SAMD3: variants seen among roughly 807,000 people sequenced by gnomAD.
SAMD3 encodes the protein sterile alpha motif domain-containing protein 3.
A neutral mutation model predicts 58.5 loss-of-function variants in SAMD3; 63 were observed. The ratio of observed to expected loss-of-function variants is 1.08; its 90% CI spans 0.88 to 1.33. SAMD3 has a LOEUF of 1.33. SAMD3 is among the 40% of genes most tolerant of loss of function. The pLI is 0.00. For missense variants in SAMD3, 604 were observed against 608.4 expected (o/e 0.99, Z 0.08); for synonymous variants, 220 against 210.3 (o/e 1.05, Z -0.40).
At chr6:130,227,549 A>G (rs1207666432), upstream of SAMD3, among the ~76,000 whole-genome samples, 1 of 152,162 alleles carries the variant, frequency 6.6e-6, no homozygotes, top group East Asian at 1.9e-4. Context: ...GAACTTTGAG[A>G]GGCCAAGGTG....
intron 1 of SAMD3, among the ~76,000 whole-genome samples, chr6:130,359,686 C>T (rs753923277): frequency 1.3e-5 from 2 of 152,200 alleles, no homozygotes; most frequent in Non-Finnish European, 2.9e-5. Flanking sequence ...CTCTCACTCG[C>T]TCATTTCTAT....
chr6:130,280,617 C>T (rs1320452704), intron 2 of SAMD3, among the ~76,000 whole-genome samples: 1 of 152,160 alleles, frequency 6.6e-6, no homozygotes. Context: ...TACTGTGTCC[C>T]ACTTGGATTC....
chr6:130,228,487 TC>T (rs1796448000), intron 2 of SAMD3, among the ~76,000 whole-genome samples: 1 of 152,160 alleles, frequency 6.6e-6, no homozygotes, highest in African/African-American at 2.4e-5. Flanking sequence ...CAAGTTAATC[TC>T]CAGGGGAGCT....
intron 2 of SAMD3, among the ~76,000 whole-genome samples, chr6:130,266,659 T>C (rs1774367892): frequency 6.6e-6 from 1 of 152,150 alleles, no homozygotes; most frequent in South Asian, 2.1e-4. Context: ...CAGCCCCCAC[T>C]GGATTATACG....
At chr6:130,295,567 G>A (rs1231668784) in intron 2 of SAMD3, among the ~76,000 whole-genome samples, 1 of 152,122 alleles carries the variant, frequency 6.6e-6, no homozygotes, top group Admixed American at 6.5e-5. Context: ...TCTTTCCTAG[G>A]AGACCACAGC....
rs1554273449 is a variant in SAMD3, at chr6:130,308,385, A to ATTCTATTCTATTCTATTCT, written c.-188+4574_-188+4592dup. ...ATTCTATTCTATTCTATTCTATTCT[A>ATTCTATTCTATTCTATTCT]TTCTATTCTATTCTATTCTATTCTA... On this transcript the variant is annotated intron_variant, in intron 2 of 13. Coordinates refer to the SAMD3 transcript ENST00000368134. Among the ~76,000 whole-genome samples the ATTCTATTCTATTCTATTCT allele has an allele frequency of 9.6e-4, 134 of 139,836 alleles. 1 individual carries two copies. The highest frequency in any genetic ancestry group is 1.2e-3 in the African/African-American group (41 of 34,772). 91.7% of individuals were successfully genotyped at this position (139,836 alleles called of 152,430 possible).
intron 1 of SAMD3, among the ~76,000 whole-genome samples, chr6:130,219,518 T>C (rs1796134734): frequency 6.6e-6 from 1 of 152,192 alleles, no homozygotes. Context: ...TCAAAGTCCA[T>C]TGTGTCATTC....
intron 5 of SAMD3, among the ~76,000 whole-genome samples, chr6:130,191,849 T>C (rs1363204988): frequency 2.0e-5 from 3 of 152,248 alleles, no homozygotes; most frequent in Non-Finnish European, 4.4e-5. Flanking sequence ...GAAGTTTTTG[T>C]ACTCTCTTAT....
chr6:130,266,476 G>A lies in SAMD3; in HGVS notation c.-187-43663C>T, dbSNP rs151248546. On this transcript the variant is annotated intron_variant, in intron 2 of 13. Coordinates refer to the SAMD3 transcript ENST00000368134. ...GACAATACTGTATAGCAAGAGTAGG[G>A]AAGGACTTCACCCTTCCTGTAGGAA... is the stretch of plus-strand genomic sequence containing the variant. Among the ~76,000 whole-genome samples, 594 of 152,298 alleles carry A rather than the reference G, an allele frequency of 3.9e-3. 6 individuals carry two copies. Among genetic ancestry groups the A allele is most frequent in the African/African-American group, 0.014 (572 of 41,550 alleles).
At chr6:130,304,671 A>G (rs1256123857) in intron 2 of SAMD3, among the ~76,000 whole-genome samples, 4 of 152,190 alleles carry the variant, frequency 2.6e-5, no homozygotes, top group Admixed American at 1.3e-4. Context: ...AATTCAGTGC[A>G]TAGAATCATC....
chr6:130,221,352 C>T lies in SAMD3; in HGVS notation c.-68+1342G>A, dbSNP rs187379291. Among the ~76,000 whole-genome samples, 540 of 152,072 alleles carry T rather than the reference C, an allele frequency of 3.6e-3. 1 individual carries two copies. The highest frequency in any genetic ancestry group is 0.012 in the African/African-American group (514 of 41,482). On this transcript the variant is annotated intron_variant, in intron 1 of 11. Transcript: ENST00000439090. ...GATAGATTTGACTAAAAAGGAAAAA[C>T]GCATGTGTACACATATATATCACAG...
intron 1 of SAMD3, among the ~76,000 whole-genome samples, chr6:130,341,790 G>A (rs1777283919): frequency 6.6e-6 from 1 of 152,070 alleles, no homozygotes; most frequent in Non-Finnish European, 1.5e-5. Flanking sequence ...GGAAATAAAT[G>A]GCTAAAGGAT....
chr6:130,325,569 T>A (rs1268712213), intron 1 of SAMD3, among the ~76,000 whole-genome samples: 4 of 152,132 alleles, frequency 2.6e-5, no homozygotes, highest in African/African-American at 9.6e-5. Context: ...AAAATAAGAT[T>A]GTTTAATAGG....
At chr6:130,227,752 C>T (rs1796424228), upstream of SAMD3, among the ~76,000 whole-genome samples, 1 of 150,096 alleles carries the variant, frequency 6.7e-6, no homozygotes, top group Non-Finnish European at 1.5e-5. Context: ...TGTGCCACCA[C>T]ACTCCAGCCT....
intron 5 of SAMD3, among the ~76,000 whole-genome samples, chr6:130,199,690 T>A (rs954428116): frequency 4.6e-5 from 7 of 152,270 alleles, no homozygotes; most frequent in Admixed American, 1.3e-4. Context: ...CACGTGCCAA[T>A]GAACAAGGTG....
chr6:130,144,393 C>G lies in SAMD3; in HGVS notation c.*127G>C. 1.3e-6 allele frequency: 1 copy of G among 786,964 alleles called. No homozygotes were observed. Among genetic ancestry groups the G allele is most frequent in the Non-Finnish European group, 2.0e-6 (1 of 504,012 alleles). The allele number at this position is 786,964 out of a possible 1,614,324, so 48.7% of individuals were successfully genotyped here. A position where few individuals can be genotyped will look rare whatever the true frequency, so the allele number is the denominator to read the frequency against. ...TGTAAAGATAGAAAGCATTGAAATT[C>G]ATTAGCATCTATAAATACAAGATGA... On this transcript the variant is annotated 3_prime_UTR_variant, in exon 12 of 12. Transcript: ENST00000439090.
intron 2 of SAMD3, among the ~76,000 whole-genome samples, chr6:130,256,370 T>C (rs1356902855): frequency 6.6e-6 from 1 of 152,164 alleles, no homozygotes; most frequent in Non-Finnish European, 1.5e-5. Context: ...GACGACCACA[T>C]GTAATTGTAC....
Position 130,216,079 on chromosome 6 carries a change from C to T in SAMD3, c.-22+492G>A, listed in dbSNP as rs143773831. 154 of 308,294 alleles carry T rather than the reference C, an allele frequency of 5.0e-4. 1 individual carries two copies. In the East Asian group the frequency reaches 6.4e-3, roughly 13 times the overall value. The allele number at this position is 308,294 out of a possible 1,614,324, so 19.1% of individuals were successfully genotyped here. A position where few individuals can be genotyped will look rare whatever the true frequency, so the allele number is the denominator to read the frequency against. ...AGTAATTATTTATGTTAATAATTAT[C>T]GTGAAAGAAGCGTAGGCAAGTTTGC... On this transcript the variant is annotated intron_variant, in intron 2 of 11. Transcript: ENST00000439090.
chr6:130,209,089 T>C (rs1033124253), intron 5 of SAMD3, among the ~76,000 whole-genome samples: 2 of 152,256 alleles, frequency 1.3e-5, no homozygotes, highest in African/African-American at 4.8e-5. Flanking sequence ...AATGCTTACC[T>C]GCCTCTATCG....
Sources: gnomAD v4.1 joint callset for allele counts (sites outside exome capture counted in the v4.1 genomes callset) on GRCh38, gnomAD v4.1.1 for gene constraint, MANE v1.5 for transcripts, NCBI Gene and HGNC (gene_info 2026-07-23, HGNC 2026-07-21) for gene names.